Variants in MEI4 observed in about 807,000 individuals in gnomAD.
MEI4 encodes the protein meiotic double-stranded break formation protein 4, also known as meiosis-specific protein MEI4.
In MEI4, 27 loss-of-function variants were observed where a neutral mutation model predicts 31.4. That is an observed-to-expected ratio of 0.86 (90% CI 0.63 to 1.19). The LOEUF (loss-of-function observed/expected upper bound fraction) is 1.19. Among genes scored for constraint, MEI4 ranks in the 50% most tolerant of loss-of-function variants. MEI4 has a pLI of 0.00. For synonymous variants in MEI4, 122 were observed against 145.4 expected (o/e 0.84, Z 1.16); for missense variants, 329 against 398.9 (o/e 0.82, Z 1.49).
chr6:77,688,669 T>G (rs1304819711), intron 1 of MEI4, among the ~76,000 whole-genome samples: 2 of 152,134 alleles, frequency 1.3e-5, no homozygotes, highest in Non-Finnish European at 2.9e-5. Context: ...TTTTCTAGTT[T>G]TTTCTTTTAG....
At chr6:77,716,751 A>G (rs1766590052) in intron 2 of MEI4, 2 of 338,968 alleles carry the variant, frequency 5.9e-6, no homozygotes, top group Non-Finnish European at 8.4e-6. Context: ...TATTTTTAAA[A>G]TTTTATTTTA....
At chr6:77,780,366 G>T (rs993337639) in intron 3 of MEI4, among the ~76,000 whole-genome samples, 1 of 152,098 alleles carries the variant, frequency 6.6e-6, no homozygotes, top group Admixed American at 6.5e-5. Context: ...TTACCTACAG[G>T]TGTGTTGACT....
chr6:77,815,575 G>A (rs1769670062), intron 3 of MEI4, among the ~76,000 whole-genome samples: 1 of 151,946 alleles, frequency 6.6e-6, no homozygotes. Flanking sequence ...GCCTGTTTTT[G>A]ATAAGGTGTT....
intron 4 of MEI4, among the ~76,000 whole-genome samples, chr6:77,841,333 A>ATATATATATATATTTTTTT: frequency 1.2e-3 from 34 of 27,732 alleles, no homozygotes; most frequent in African/African-American, 2.3e-3. Context: ...ATATATATAT[A>ATATATATATATATTTTTTT]TTTTTTTTTT....
intron 4 of MEI4, among the ~76,000 whole-genome samples, chr6:77,892,853 C>T (rs1217943313): frequency 6.6e-6 from 1 of 151,938 alleles, no homozygotes; most frequent in Non-Finnish European, 1.5e-5. Context: ...CAAATGGCTC[C>T]ATGCTGCATC....
intron 4 of MEI4, among the ~76,000 whole-genome samples, chr6:77,849,324 A>T (rs1770560019): frequency 6.6e-6 from 1 of 152,184 alleles, no homozygotes; most frequent in African/African-American, 2.4e-5. Flanking sequence ...CCTCACAGAA[A>T]ATAAAGGATT....
At chr6:77,673,664 T>C (rs1768788725) in intron 1 of MEI4, among the ~76,000 whole-genome samples, 1 of 152,140 alleles carries the variant, frequency 6.6e-6, no homozygotes, top group Non-Finnish European at 1.5e-5. Context: ...GGTGATTGGT[T>C]TAGGTGATGA....
intron 4 of MEI4, among the ~76,000 whole-genome samples, chr6:77,854,409 A>G (rs1471587517): frequency 1.4e-5 from 2 of 146,272 alleles, no homozygotes; most frequent in Non-Finnish European, 3.0e-5. Flanking sequence ...CAGTAATTAT[A>G]GAGTGGTGGA....
chr6:77,701,947 G>A (rs572316868), intron 2 of MEI4, among the ~76,000 whole-genome samples: 1 of 152,064 alleles, frequency 6.6e-6, no homozygotes, highest in Non-Finnish European at 1.5e-5. Flanking sequence ...TGATCCTCTA[G>A]CTCACATTGC....
rs1223418686 is a variant in MEI4 at position 77,923,584 on chromosome 6, T to TATC, written c.*239_*241dup. ...TGCCATCCTTATTCCCATGTAACTG[T>TATC]ATCTTATTTCACTCAATATAGTTTA... On this transcript the variant is annotated 3_prime_UTR_variant, in exon 5 of 5. Transcript: ENST00000684080. 2 of 283,294 alleles carry TATC rather than the reference T, an allele frequency of 7.1e-6. No homozygotes were observed. The highest frequency in any genetic ancestry group is 5.9e-5 in the East Asian group (1 of 16,826). The allele number at this position is 283,294 out of a possible 1,614,324, so 17.5% of individuals were successfully genotyped here.
intron 3 of MEI4, among the ~76,000 whole-genome samples, chr6:77,800,568 C>T (rs942894920): frequency 1.3e-5 from 2 of 152,166 alleles, no homozygotes; most frequent in Admixed American, 6.5e-5. Context: ...CTGTCTTGTG[C>T]CAGTTTTCAA....
chr6:77,844,695 T>G (rs1435063931), intron 4 of MEI4, among the ~76,000 whole-genome samples: 1 of 152,146 alleles, frequency 6.6e-6, no homozygotes, highest in Non-Finnish European at 1.5e-5. Flanking sequence ...AATGTTGTAT[T>G]TATAACAGTG....
intron 4 of MEI4, among the ~76,000 whole-genome samples, chr6:77,841,463 C>T (rs1770363342): frequency 6.7e-6 from 1 of 149,684 alleles, no homozygotes; most frequent in African/African-American, 2.5e-5. Context: ...ACTCAGCCTC[C>T]AGAGTAGCTG....
chr6:77,878,160 C>T (rs1432846724), intron 4 of MEI4, among the ~76,000 whole-genome samples: 1 of 151,928 alleles, frequency 6.6e-6, no homozygotes, highest in Non-Finnish European at 1.5e-5. Context: ...AGCTGATTTC[C>T]TTGGGTTTCT....
At chr6:77,688,330 G>A (rs1288483940) in intron 1 of MEI4, among the ~76,000 whole-genome samples, 2 of 151,994 alleles carry the variant, frequency 1.3e-5, no homozygotes, top group Non-Finnish European at 2.9e-5. Context: ...TTTTAAGTGT[G>A]ATTTATATCC....
At chr6:77,825,038 AT>A (rs35711396) in intron 3 of MEI4, among the ~76,000 whole-genome samples, 34,577 of 151,988 alleles carry the variant, frequency 0.23, 4,691 homozygotes, top group African/African-American at 0.38. Flanking sequence ...ATTTTACAGA[AT>A]TCAGTTGTGA....
chr6:77,758,774 C>T (rs1272322596), intron 2 of MEI4, among the ~76,000 whole-genome samples: 2 of 152,168 alleles, frequency 1.3e-5, no homozygotes, highest in Non-Finnish European at 2.9e-5. Context: ...CCAACCTCTG[C>T]TTATCCATTG....
At position 77,678,364 on chromosome 6, in the gene MEI4, G is replaced by A. The variant is rs901743496; in HGVS notation, c.-14-12294G>A. Among the ~76,000 whole-genome samples the A allele has an allele frequency of 2.6e-4, 39 of 152,124 alleles. 1 individual carries two copies. Among genetic ancestry groups the A allele is most frequent in the African/African-American group, 9.4e-4 (39 of 41,412 alleles). On this transcript the variant is annotated intron_variant, in intron 1 of 4. Coordinates refer to ENST00000684080, the MANE Select transcript of MEI4 (RefSeq NM_001322247.2). ...TGTTTGGATTTGTGATCTCTAATTG[G>A]TTAGATCTCAAATTTTGAGGAAGGC...
chr6:77,907,645 A>G (rs1299338013), intron 4 of MEI4, among the ~76,000 whole-genome samples: 8 of 152,178 alleles, frequency 5.3e-5, no homozygotes. Context: ...TCCTTTGGGT[A>G]TATACCCAGT....
Sources: gnomAD v4.1 joint callset for allele counts (sites outside exome capture counted in the v4.1 genomes callset) on GRCh38, gnomAD v4.1.1 for gene constraint, MANE v1.5 for transcripts, NCBI Gene and HGNC (gene_info 2026-07-23, HGNC 2026-07-21) for gene names.